RAE1: variants seen among roughly 807,000 people sequenced by gnomAD.
RAE1 encodes ribonucleic acid export 1.
Under a neutral mutation model 52.7 loss-of-function variants are expected in RAE1, and 13 were observed. That is an observed-to-expected ratio of 0.25 (90% CI 0.16 to 0.39). RAE1 has a LOEUF of 0.39. Ranked by LOEUF, RAE1 falls within the 10% of genes least tolerant of loss-of-function variation. The pLI is 1.00. For missense variants in RAE1, 262 were observed against 459.8 expected (o/e 0.57, Z 3.93); for synonymous variants, 164 against 153.1 (o/e 1.07, Z -0.52).
intron 7 of RAE1, among the ~76,000 whole-genome samples, chr20:57,368,224 G>A (rs542015206): frequency 6.6e-6 from 1 of 152,288 alleles, no homozygotes; most frequent in African/African-American, 2.4e-5. Context: ...CATTGGAAGT[G>A]GCCTAAGGGG....
At chr20:57,352,020 G>A (rs1376209698) in intron 1 of RAE1, 5 of 964,746 alleles carry the variant, frequency 5.2e-6, no homozygotes, top group Non-Finnish European at 6.2e-6. Context: ...CCCTCTTGGA[G>A]CCAGCATTCT....
intron 11 of RAE1, 146 bp downstream of exon 11, chr20:57,374,947 T>A (rs1208844577): frequency 2.3e-6 from 2 of 870,594 alleles, no homozygotes; most frequent in Non-Finnish European, 3.8e-6. Context: ...AAGGGGAAAT[T>A]GCAGGACTTC....
intron 8 of RAE1, 84 bp from the exon 9 acceptor site, chr20:57,373,391 T>A: frequency 7.5e-7 from 1 of 1,334,694 alleles, no homozygotes; most frequent in South Asian, 1.3e-5. Context: ...AACCTAAACA[T>A]GGGGTAAAAA....
At chr20:57,359,491 C>T (rs1443445494) in intron 4 of RAE1, 2 of 152,402 alleles carry the variant, frequency 1.3e-5, no homozygotes, top group South Asian at 4.1e-4. Flanking sequence ...TTAGTGGCTG[C>T]TTTTGGGCCA....
At chr20:57,370,601 C>T (rs1455301365) in intron 8 of RAE1, among the ~76,000 whole-genome samples, 1 of 152,210 alleles carries the variant, frequency 6.6e-6, no homozygotes, top group Non-Finnish European at 1.5e-5. Flanking sequence ...TCTGAAGCTA[C>T]GGTATCCCAC....
At chr20:57,358,543 T>C (rs1042381356) in intron 4 of RAE1, 2 of 153,762 alleles carry the variant, frequency 1.3e-5, no homozygotes, top group Non-Finnish European at 2.9e-5. Context: ...CCTATTTCTC[T>C]TGTCCTTTCG....
intron 1 of RAE1, among the ~76,000 whole-genome samples, chr20:57,352,849 A>G (rs753418452): frequency 5.9e-5 from 9 of 152,202 alleles, no homozygotes; most frequent in African/African-American, 1.7e-4. Context: ...AAGCCTTGTC[A>G]TGCCTTTGTT....
chr20:57,371,364 A>G (rs749760304), intron 8 of RAE1: 3 of 152,272 alleles, frequency 2.0e-5, no homozygotes, highest in Admixed American at 6.5e-5. Context: ...CTGCAACTCA[A>G]TAGTGAGAAA....
chr20:57,351,470 C>T (rs1193078632), intron 1 of RAE1, 48 bp downstream of exon 1: 1 of 985,324 alleles, frequency 1.0e-6, no homozygotes, highest in Non-Finnish European at 1.2e-6. Context: ...CGCCATGGCT[C>T]CCGCAGAGGC....
chr20:57,375,611 G>T (rs551614434), intron 11 of RAE1, among the ~76,000 whole-genome samples: 1 of 152,244 alleles, frequency 6.6e-6, no homozygotes, highest in East Asian at 1.9e-4. Context: ...TCTAAGCATG[G>T]AAGGCTCGAG....
intron 5 of RAE1, among the ~76,000 whole-genome samples, chr20:57,366,012 G>A (rs977203290): frequency 2.0e-5 from 3 of 152,170 alleles, no homozygotes; most frequent in East Asian, 1.9e-4. Flanking sequence ...AGAGCACAGT[G>A]CTGAAACATT....
rs569693391 is a variant in RAE1 at position 57,354,212 on chromosome 20, G to A, written c.90+84G>A. The A allele has an allele frequency of 6.3e-5, 77 of 1,221,294 alleles. No homozygotes were observed. The African/African-American group carries it at 7.4e-4, about 12-fold the overall frequency. 75.7% of individuals were successfully genotyped at this position (1,221,294 alleles called of 1,614,324 possible). On this transcript the variant is annotated intron_variant, in intron 2 of 11. Coordinates refer to ENST00000395841, the MANE Select transcript of RAE1 (RefSeq NM_003610.4). Reference sequence around the variant, plus strand: ...AAGGACAGAACCCGAGATGACTTGGGAGCCTCCTTTAGGCTGAAAGCTTTG... The same window carrying A: ...AAGGACAGAACCCGAGATGACTTGGAAGCCTCCTTTAGGCTGAAAGCTTTG...
At chr20:57,374,961 A>G in intron 11 of RAE1, 160 bp downstream of exon 11, 1 of 814,384 alleles carries the variant, frequency 1.2e-6, no homozygotes, top group African/African-American at 1.7e-5. Context: ...GGACTTCCTC[A>G]AATGGTTGTG....
chr20:57,363,436 C>A (rs952581120), intron 4 of RAE1, among the ~76,000 whole-genome samples: 1 of 152,008 alleles, frequency 6.6e-6, no homozygotes, highest in South Asian at 2.1e-4. Flanking sequence ...TCACTTGATC[C>A]CAGGAGACTG....
chr20:57,367,461 G>A (rs1379499535), intron 7 of RAE1, among the ~76,000 whole-genome samples: 2 of 151,970 alleles, frequency 1.3e-5, no homozygotes, highest in Admixed American at 6.6e-5. Flanking sequence ...GAACTTTCTC[G>A]GCCAGGCATG....
At chr20:57,377,896 C>A in intron 11 of RAE1, 117 bp from the exon 12 acceptor site, 2 of 696,698 alleles carry the variant, frequency 2.9e-6, no homozygotes, top group Non-Finnish European at 4.6e-6. Context: ...TGTTTTATTT[C>A]TCTGAGAGAT....
chr20:57,356,933 C>T (rs2066797266), intron 4 of RAE1, among the ~76,000 whole-genome samples: 1 of 152,156 alleles, frequency 6.6e-6, no homozygotes, highest in Non-Finnish European at 1.5e-5. Context: ...GGGCCTCGGC[C>T]TGGCGAGGGG....
chr20:57,369,781 T>C (rs2067008415), intron 8 of RAE1, among the ~76,000 whole-genome samples: 1 of 152,190 alleles, frequency 6.6e-6, no homozygotes, highest in South Asian at 2.1e-4. Context: ...TCCTTTAGTC[T>C]TTGTCTCAGC....
At chr20:57,369,384 G>A (rs1182149055) in intron 8 of RAE1, among the ~76,000 whole-genome samples, 1 of 152,198 alleles carries the variant, frequency 6.6e-6, no homozygotes, top group Admixed American at 6.5e-5. Flanking sequence ...CCCTCGGAGA[G>A]AACTGAGACC....
Sources: gnomAD v4.1 joint callset for allele counts (sites outside exome capture counted in the v4.1 genomes callset) on GRCh38, gnomAD v4.1.1 for gene constraint, MANE v1.5 for transcripts, NCBI Gene and HGNC (gene_info 2026-07-23, HGNC 2026-07-21) for gene names.